The following PIK3CD variants were observed in gnomAD, a reference collection of about 807,000 sequenced individuals.
The protein encoded by PIK3CD is phosphatidylinositol-4,5-bisphosphate 3-kinase catalytic subunit delta, also known as phosphatidylinositol 4,5-bisphosphate 3-kinase catalytic subunit delta isoform.
PIK3CD carries 20 observed loss-of-function variants against 122.9 expected under a neutral mutation model. That is an observed-to-expected ratio of 0.16 (90% CI 0.11 to 0.24). The LOEUF is 0.24. Among genes scored for constraint, PIK3CD ranks in the 10% least tolerant of loss-of-function variants. PIK3CD has a pLI of 1.00. For synonymous variants in PIK3CD, 596 were observed against 593.4 expected, an observed-to-expected ratio of 1.00 and a Z score of -0.06; for missense variants, 787 against 1,406.3, an observed-to-expected ratio of 0.56 and a Z score of 7.04.
chr1:9,691,127 C>G (rs986558142), intron 1 of PIK3CD, among the ~76,000 whole-genome samples: 2 of 152,220 alleles, frequency 1.3e-5, no homozygotes, highest in Non-Finnish European at 2.9e-5. Context: ...GGAACTCGAA[C>G]CCAGGCTTGG....
intron 1 of PIK3CD, chr1:9,654,366 A>C (rs1412141951): frequency 7.3e-7 from 1 of 1,367,678 alleles, no homozygotes; most frequent in East Asian, 4.6e-5. Flanking sequence ...CATGTTTAGC[A>C]AGTGTTTCCT....
chr1:9,677,137 TGAGTGCC>T (rs541133183), intron 1 of PIK3CD, among the ~76,000 whole-genome samples: 3 of 152,210 alleles, frequency 2.0e-5, no homozygotes, highest in Non-Finnish European at 4.4e-5. Flanking sequence ...AAGGAGGGCC[TGAGTGCC>T]GAGTGCCTGG....
At position 9,711,675 on chromosome 1, in the gene PIK3CD, G is replaced by A. The variant is rs546524819; in HGVS notation, c.141+1079G>A. Reference sequence around the variant, plus strand: ...TGCAGCCTCAATCTCCCCAGGCTTAGGTGAGCCTCTTACCTCAGCCTCCTG... The same window carrying A: ...TGCAGCCTCAATCTCCCCAGGCTTAAGTGAGCCTCTTACCTCAGCCTCCTG... On this transcript the variant is annotated intron_variant, in intron 3 of 23. Transcript: ENST00000377346. Among the ~76,000 whole-genome samples, 9 of 151,492 alleles carry A rather than the reference G, an allele frequency of 5.9e-5. No homozygotes were observed. The East Asian group carries it at 1.4e-3, about 23-fold the overall frequency.
chr1:9,635,053 A>G, the PIK3CD span, among the ~76,000 whole-genome samples: 4 of 152,144 alleles, frequency 2.6e-5, no homozygotes, highest in African/African-American at 9.7e-5. Context: ...ACACTTTGGG[A>G]GGCCAAGACG....
intron 1 of PIK3CD, among the ~76,000 whole-genome samples, chr1:9,677,119 G>A (rs185048288): frequency 6.6e-6 from 1 of 152,266 alleles, no homozygotes; most frequent in Non-Finnish European, 1.5e-5. Context: ...GCTGACAGCC[G>A]GGTAGGGAAG....
At chr1:9,628,726 T>G in the PIK3CD span, among the ~76,000 whole-genome samples, 1 of 151,892 alleles carries the variant, frequency 6.6e-6, no homozygotes, top group Non-Finnish European at 1.5e-5. Flanking sequence ...GAGGGCTCTG[T>G]GGAATGTTGG....
rs139847517 is a variant in PIK3CD at position 9,654,282 on chromosome 1, C to T, written c.-138+2480C>T. Reference sequence around the variant, plus strand: ...CCCTTCTGGCAGGAAAAGCGCGTTTCTGCGTTTCTGCAGCCTCAGTCCACG... The same window carrying T: ...CCCTTCTGGCAGGAAAAGCGCGTTTTTGCGTTTCTGCAGCCTCAGTCCACG... On this transcript the variant is annotated intron_variant, in intron 1 of 23. Transcript: ENST00000377346. 8.4e-3 allele frequency: 11,463 copies of T among 1,367,744 alleles called. 66 individuals carry two copies. The highest frequency in any genetic ancestry group is 0.016 in the Middle Eastern group (75 of 4,768). 84.7% of individuals were successfully genotyped at this position (1,367,744 alleles called of 1,614,324 possible). A position where few individuals can be genotyped will look rare whatever the true frequency, so the allele number is the denominator to read the frequency against.
intron 1 of PIK3CD, among the ~76,000 whole-genome samples, chr1:9,666,621 G>A (rs1250117241): frequency 6.6e-6 from 1 of 152,094 alleles, no homozygotes. Context: ...GTCAGGTGTA[G>A]TGGCTCACAC....
intron 2 of PIK3CD, among the ~76,000 whole-genome samples, chr1:9,694,212 T>C (rs1466778770): frequency 6.6e-6 from 1 of 151,892 alleles, no homozygotes; most frequent in Non-Finnish European, 1.5e-5. Context: ...CTGTCACATA[T>C]TGACATTGAG....
At chr1:9,650,304 C>G (rs1644648178), upstream of PIK3CD, among the ~76,000 whole-genome samples, 1 of 152,102 alleles carries the variant, frequency 6.6e-6, no homozygotes, top group South Asian at 2.1e-4. Flanking sequence ...CACCTATAGT[C>G]CCAGCTACTC....
chr1:9,718,970 C>G lies in PIK3CD; in HGVS notation c.1242+55C>G, dbSNP rs562369330. On this transcript the variant is annotated intron_variant, in intron 9 of 23. Transcript: ENST00000377346. This position sits in a 1 kb window ranked among gnomAD's most constrained non-coding sequence, Gnocchi z 7.2. Reference sequence around the variant, plus strand: ...CAGACCCCGGAGAGCCAGTACAGCCCCTTGCTGGGCCACTCACCACTCTCC... The same window carrying G: ...CAGACCCCGGAGAGCCAGTACAGCCGCTTGCTGGGCCACTCACCACTCTCC... The G allele has an allele frequency of 6.6e-7, 1 of 1,504,896 alleles. No homozygotes were observed. The highest frequency in any genetic ancestry group is 1.1e-5 in the South Asian group (1 of 88,056). The allele number at this position is 1,504,896 out of a possible 1,614,324, so 93.2% of individuals were successfully genotyped here. A position where few individuals can be genotyped will look rare whatever the true frequency, so the allele number is the denominator to read the frequency against.
chr1:9,677,985 A>T (rs1157787057), intron 1 of PIK3CD, among the ~76,000 whole-genome samples: 1 of 152,006 alleles, frequency 6.6e-6, no homozygotes, highest in African/African-American at 2.4e-5. Context: ...TCTGTACTAA[A>T]AATACTAAAT....
chr1:9,669,621 A>T (rs577074912), intron 1 of PIK3CD, among the ~76,000 whole-genome samples: 2 of 152,118 alleles, frequency 1.3e-5, no homozygotes, highest in South Asian at 4.2e-4. Flanking sequence ...CCTGCGCCAG[A>T]CCTCTTAAAC....
chr1:9,727,206 TAGTTTA>T lies in PIK3CD; in HGVS notation c.*163_*168del. 1 of 846,122 alleles carries T rather than the reference TAGTTTA, an allele frequency of 1.2e-6. No individual in the cohort carries two copies. The highest frequency in any genetic ancestry group is 1.9e-6 in the Non-Finnish European group (1 of 524,428). The allele number at this position is 846,122 out of a possible 1,614,324, so 52.4% of individuals were successfully genotyped here. The stretch of plus-strand genomic sequence containing the variant: ...CTGGTTATTTATTTATGACTTGAAA[TAGTTTA>T]AGGAGCTAAACAGCCATAAACGGAA... On this transcript the variant is annotated 3_prime_UTR_variant, in exon 24 of 24. Transcript: ENST00000377346.
At chr1:9,706,050 A>ATTTTTTTTTTTTTTTTTT in intron 2 of PIK3CD, among the ~76,000 whole-genome samples, 1 of 85,188 alleles carries the variant, frequency 1.2e-5, no homozygotes, top group Non-Finnish European at 2.2e-5. Context: ...ATTTATTGGA[A>ATTTTTTTTTTTTTTTTTT]TTTTTTTTTT....
Position 9,724,650 on chromosome 1 carries a change from G to A in PIK3CD, c.2865-154G>A, listed in dbSNP as rs562586756. ...TGTAGCAGGAGGCTGGCTGGGGCAC[G>A]GGGGTCAGTTAGCAGAACTGGAGGC... On this transcript the variant is annotated intron_variant, in intron 22 of 23. Coordinates refer to ENST00000377346, the MANE Select transcript of PIK3CD (RefSeq NM_005026.5). The surrounding 1 kb of genome is among the most constrained non-coding windows in gnomAD (Gnocchi z 7.3). 3.9e-5 allele frequency among the ~76,000 whole-genome samples: 6 copies of A among 152,342 alleles called. No individual in the cohort carries two copies. Among genetic ancestry groups the A allele is most frequent in the African/African-American group, 7.2e-5 (3 of 41,580 alleles).
At chr1:9,672,539 C>T (rs1645363368) in intron 1 of PIK3CD, 1 of 152,270 alleles carries the variant, frequency 6.6e-6, no homozygotes, top group Non-Finnish European at 1.5e-5. Flanking sequence ...AGTGATCCTC[C>T]CGCTTCAGCC....
intron 15 of PIK3CD, 77 bp from the exon 16 acceptor site, chr1:9,721,684 G>A: frequency 6.2e-7 from 1 of 1,605,526 alleles, no homozygotes; most frequent in Non-Finnish European, 8.5e-7. Flanking sequence ...GGGTGTCCTG[G>A]CCTCGCTAGG....
chr1:9,664,928 T>A lies in PIK3CD; in HGVS notation c.-138+13126T>A, dbSNP rs185722263. 6.7e-4 allele frequency among the ~76,000 whole-genome samples: 102 copies of A among 152,202 alleles called. 2 individuals carry two copies. In the East Asian group the frequency reaches 0.016, roughly 23 times the overall value. On this transcript the variant is annotated intron_variant, in intron 1 of 23. Transcript: ENST00000377346. Reference sequence around the variant, plus strand: ...AAGATTATTTTATGTCCTAGCTGGGTGCAGTGGCTCACACCTGTGATCCTA... The same window carrying A: ...AAGATTATTTTATGTCCTAGCTGGGAGCAGTGGCTCACACCTGTGATCCTA...
Sources: gnomAD v4.1 joint callset for allele counts (sites outside exome capture counted in the v4.1 genomes callset) on GRCh38, gnomAD v4.1.1 for gene constraint, Gnocchi (gnomAD v3.1) non-coding constraint, MANE v1.5 for transcripts, NCBI Gene and HGNC (gene_info 2026-07-23, HGNC 2026-07-21) for gene names.